Variants in LYPD6B observed in about 807,000 individuals in gnomAD.
LYPD6B encodes the protein LY6/PLAUR domain containing 6B.
LYPD6B carries 17 observed loss-of-function variants against 22.8 expected under a neutral mutation model. The observed-to-expected ratio is 0.75, with a 90% CI of 0.51 to 1.12. The LOEUF is 1.12. Among genes scored for constraint, LYPD6B ranks in the 50% most tolerant of loss-of-function variants. The pLI, the probability that LYPD6B is intolerant of heterozygous loss-of-function variation, is 0.00. For synonymous variants in LYPD6B, 106 were observed against 91.6 expected (o/e 1.16, Z -0.90); for missense variants, 221 against 258.3 (o/e 0.86, Z 0.99).
chr2:149,090,398 A>G (rs1312615319), intron 1 of LYPD6B, among the ~76,000 whole-genome samples: 1 of 152,216 alleles, frequency 6.6e-6, no homozygotes, highest in Non-Finnish European at 1.5e-5. Context: ...ATGTGCACTT[A>G]AATAATACAA....
chr2:149,072,586 G>C (rs1684673646), intron 1 of LYPD6B, among the ~76,000 whole-genome samples: 1 of 148,964 alleles, frequency 6.7e-6, no homozygotes, highest in African/African-American at 2.5e-5. Flanking sequence ...GCCCAGGCTG[G>C]AGTGCAGTGG....
intron 1 of LYPD6B, among the ~76,000 whole-genome samples, chr2:149,095,805 T>G: frequency 6.8e-6 from 1 of 147,992 alleles, no homozygotes; most frequent in South Asian, 2.2e-4. Context: ...GAGAAAGAGA[T>G]GGGAGACAGA....
At chr2:149,049,580 T>G (rs1290380893) in intron 1 of LYPD6B, among the ~76,000 whole-genome samples, 1 of 152,226 alleles carries the variant, frequency 6.6e-6, no homozygotes, top group Non-Finnish European at 1.5e-5. Flanking sequence ...GGTGTAAAGC[T>G]GATTCCTCCA....
At chr2:149,092,697 GC>G (rs549847611) in intron 1 of LYPD6B, among the ~76,000 whole-genome samples, 45 of 152,218 alleles carry the variant, frequency 3.0e-4, no homozygotes, top group African/African-American at 1.1e-3. Context: ...GAAAAAACAA[GC>G]CCTTTGTCTT....
intron 3 of LYPD6B, chr2:149,187,374 C>T: frequency 7.0e-7 from 1 of 1,432,982 alleles, no homozygotes; most frequent in Non-Finnish European, 9.2e-7. Context: ...TGAGCCTGCT[C>T]TGCCATGGTC....
chr2:149,141,463 T>C (rs1688690161), intron 2 of LYPD6B, among the ~76,000 whole-genome samples: 1 of 152,248 alleles, frequency 6.6e-6, no homozygotes, highest in Admixed American at 6.5e-5. Context: ...TACATAGCAA[T>C]GAATCAGATT....
intron 2 of LYPD6B, among the ~76,000 whole-genome samples, chr2:149,146,442 C>A (rs1468613535): frequency 6.6e-5 from 10 of 152,124 alleles, no homozygotes; most frequent in South Asian, 2.1e-4. Flanking sequence ...AGAAAGAAGA[C>A]TGTGTGGCCA....
At chr2:149,207,683 A>C (rs1693587379) in intron 4 of LYPD6B, among the ~76,000 whole-genome samples, 1 of 152,140 alleles carries the variant, frequency 6.6e-6, no homozygotes, top group Non-Finnish European at 1.5e-5. Flanking sequence ...ATGTTGTGAT[A>C]ATTGACATAT....
intron 2 of LYPD6B, among the ~76,000 whole-genome samples, chr2:149,157,650 A>G (rs1689795281): frequency 6.6e-6 from 1 of 152,186 alleles, no homozygotes; most frequent in Non-Finnish European, 1.5e-5. Context: ...GTGCATTGAC[A>G]TGCCTGCTTC....
At chr2:149,098,128 C>G (rs1685989885) in intron 1 of LYPD6B, among the ~76,000 whole-genome samples, 1 of 152,036 alleles carries the variant, frequency 6.6e-6, no homozygotes, top group Non-Finnish European at 1.5e-5. Flanking sequence ...AGACCCAGCT[C>G]TCATGTGCTC....
chr2:149,059,007 T>C (rs186842406), intron 1 of LYPD6B, among the ~76,000 whole-genome samples: 1 of 152,314 alleles, frequency 6.6e-6, no homozygotes, highest in African/African-American at 2.4e-5. Context: ...ATGTGAGATT[T>C]TGAGGGCAGC....
intron 2 of LYPD6B, among the ~76,000 whole-genome samples, chr2:149,149,273 A>G (rs887476305): frequency 2.6e-5 from 4 of 152,188 alleles, no homozygotes; most frequent in Non-Finnish European, 1.5e-5. Context: ...TTCTTCATTT[A>G]CAGGTAAAAA....
At position 149,147,324 on chromosome 2, in the gene LYPD6B, A is replaced by G. The variant is rs1384057834; in HGVS notation, c.6-13440A>G. Among the ~76,000 whole-genome samples, 3 of 152,342 alleles carry G rather than the reference A, an allele frequency of 2.0e-5. No homozygotes were observed. The East Asian group carries it at 5.8e-4, about 29-fold the overall frequency. The stretch of plus-strand genomic sequence containing the variant: ...ACCTTTAACTTGTGATAAAGAGGGT[A>G]ACCCAAGTCATTAATCCAGAGGAGG... On this transcript the variant is annotated intron_variant, in intron 2 of 6. Transcript: ENST00000409642.
At chr2:149,082,331 C>T (rs6752473) in intron 1 of LYPD6B, among the ~76,000 whole-genome samples, 2,430 of 152,282 alleles carry the variant, frequency 0.016, 60 homozygotes, top group African/African-American at 0.056. Flanking sequence ...ACCTCTCCTG[C>T]TTTCACTGCC....
intron 2 of LYPD6B, among the ~76,000 whole-genome samples, chr2:149,147,661 G>A (rs1689109850): frequency 6.6e-6 from 1 of 151,994 alleles, no homozygotes; most frequent in Non-Finnish European, 1.5e-5. Context: ...TTACAGATGA[G>A]CGCCACCACG....
Position 149,143,811 on chromosome 2 carries a change from A to T in LYPD6B, c.5+12858A>T, listed in dbSNP as rs529005723. On this transcript the variant is annotated intron_variant, in intron 2 of 6. Transcript: ENST00000409642. Reference sequence around the variant, plus strand: ...CTTTTAATATTACTTTTAAAAGGCTAGCTATGGAAATAAGTAGTGAGTGGT... The same window carrying T: ...CTTTTAATATTACTTTTAAAAGGCTTGCTATGGAAATAAGTAGTGAGTGGT... 2.4e-4 allele frequency: 37 copies of T among 152,380 alleles called. No individual in the cohort carries two copies. The South Asian group carries it at 7.7e-3, about 32-fold the overall frequency. The allele number at this position is 152,380 out of a possible 1,614,324, so 9.4% of individuals were successfully genotyped here.
chr2:149,175,059 C>CTGTGTGTGTGTG (rs1281402106), intron 3 of LYPD6B, among the ~76,000 whole-genome samples: 2 of 116,172 alleles, frequency 1.7e-5, no homozygotes, highest in Admixed American at 9.2e-5. Flanking sequence ...CTCTCTCTCT[C>CTGTGTGTGTGTG]TCTGTGTGTG....
chr2:149,192,891 A>T (rs1187410553), intron 3 of LYPD6B, among the ~76,000 whole-genome samples: 1 of 152,112 alleles, frequency 6.6e-6, no homozygotes, highest in East Asian at 1.9e-4. Context: ...GCATTTATTC[A>T]ATGATTACGT....
At chr2:149,041,713 T>G (rs886979480) in intron 1 of LYPD6B, among the ~76,000 whole-genome samples, 1 of 152,082 alleles carries the variant, frequency 6.6e-6, no homozygotes, top group African/African-American at 2.4e-5. Flanking sequence ...CCATGGGAGA[T>G]GCCTAGGGTG....
Sources: gnomAD v4.1 joint callset for allele counts (sites outside exome capture counted in the v4.1 genomes callset) on GRCh38, gnomAD v4.1.1 for gene constraint, MANE v1.5 for transcripts, NCBI Gene and HGNC (gene_info 2026-07-23, HGNC 2026-07-21) for gene names.